Variants in ULK4 observed in about 807,000 individuals in gnomAD.
ULK4 encodes unc-51 like kinase 4.
In ULK4, 133 loss-of-function variants were observed where a neutral mutation model predicts 160.6. The observed-to-expected ratio is 0.83, with a 90% CI of 0.72 to 0.96. The LOEUF (loss-of-function observed/expected upper bound fraction) is 0.96. ULK4 is among the 40% of genes least tolerant of loss of function. ULK4 has a pLI of 0.00. For missense variants in ULK4, 1,580 were observed against 1,499.5 expected (o/e 1.05, Z -0.89); for synonymous variants, 534 against 539.8 (o/e 0.99, Z 0.15).
chr3:41,254,138 C>T (rs2078789193), intron 35 of ULK4, among the ~76,000 whole-genome samples: 3 of 152,156 alleles, frequency 2.0e-5, no homozygotes, highest in Non-Finnish European at 4.4e-5. Flanking sequence ...CCCCATCAAC[C>T]ACATGAATCC....
At chr3:41,506,779 T>TATATATATAA (rs1559658203) in intron 32 of ULK4, among the ~76,000 whole-genome samples, 1 of 18,284 alleles carries the variant, frequency 5.5e-5, no homozygotes, top group African/African-American at 1.3e-4. Context: ...TATATATATA[T>TATATATATAA]ATATATATAT....
chr3:41,937,727 A>G, intron 3 of ULK4: 1 of 194,000 alleles, frequency 5.2e-6, no homozygotes, highest in Middle Eastern at 2.1e-3. Flanking sequence ...TGAAAATTTT[A>G]TGAGGTACAG....
chr3:41,805,654 T>C (rs2125612377), intron 19 of ULK4, among the ~76,000 whole-genome samples: 1 of 151,634 alleles, frequency 6.6e-6, no homozygotes, highest in East Asian at 1.9e-4. Flanking sequence ...TTGAGATACG[T>C]CCCATCAATA....
intron 25 of ULK4, among the ~76,000 whole-genome samples, chr3:41,711,864 G>A (rs993773580): frequency 6.6e-6 from 1 of 152,152 alleles, no homozygotes. Context: ...TTCAATGGAG[G>A]ACCAAAAGAA....
At chr3:41,542,258 G>A (rs1462122463) in intron 32 of ULK4, among the ~76,000 whole-genome samples, 1 of 152,152 alleles carries the variant, frequency 6.6e-6, no homozygotes, top group Non-Finnish European at 1.5e-5. Flanking sequence ...GGCCTTTTCT[G>A]CATCTATTGA....
intron 20 of ULK4, 77 bp from the exon 21 acceptor site, chr3:41,789,920 C>G: frequency 7.6e-7 from 1 of 1,319,446 alleles, no homozygotes; most frequent in Non-Finnish European, 1.0e-6. Flanking sequence ...ACACATGCTT[C>G]TGTGTCAAGG....
rs187323451 is a variant in ULK4 at position 41,769,851 on chromosome 3, T to C, written c.2194-15363A>G. ...CTCTTACAAATCTCAAGGGGTAAAA[T>C]TGATCTGCTTCAATGGTCAAAGCTA... On this transcript the variant is annotated intron_variant, in intron 21 of 36. Transcript: ENST00000301831. 4.2e-3 allele frequency among the ~76,000 whole-genome samples: 644 copies of C among 152,272 alleles called. 2 individuals carry two copies. The highest frequency in any genetic ancestry group is 0.014 in the Middle Eastern group (4 of 294).
intron 21 of ULK4, among the ~76,000 whole-genome samples, chr3:41,787,994 C>T (rs73071356): frequency 0.12 from 18,897 of 152,088 alleles, 1,350 homozygotes; most frequent in Middle Eastern, 0.27. Context: ...TCTCTAACCA[C>T]GGATTACCTG....
intron 30 of ULK4, among the ~76,000 whole-genome samples, chr3:41,663,319 G>A (rs1196601190): frequency 1.3e-5 from 2 of 152,034 alleles, no homozygotes; most frequent in African/African-American, 4.8e-5. Flanking sequence ...ACAAAATGAG[G>A]CACCAATTTT....
chr3:41,523,773 T>C (rs565504975), intron 32 of ULK4, among the ~76,000 whole-genome samples: 215 of 152,286 alleles, frequency 1.4e-3, no homozygotes, highest in Non-Finnish European at 2.5e-3. Flanking sequence ...GCAATTCCAC[T>C]CCTAGGTATA....
chr3:41,721,255 ATTTTTTTTTTT>A lies in ULK4; in HGVS notation c.2322-3405_2322-3395del, dbSNP rs67078042. Among the ~76,000 whole-genome samples the A allele has an allele frequency of 3.2e-3, 144 of 45,046 alleles. 1 individual carries two copies. Among genetic ancestry groups the A allele is most frequent in the Non-Finnish European group, 4.1e-3 (117 of 28,292 alleles). The allele number at this position is 45,046 out of a possible 152,430, so 29.6% of individuals were successfully genotyped here. On this transcript the variant is annotated intron_variant, in intron 22 of 36. Transcript: ENST00000301831. ...GCAGATGAGAAATTTTTCGCTTTGA[ATTTTTTTTTTT>A]TTTTTTTTTTTTTTTTTTGGGTTTT...
At chr3:41,282,846 C>G (rs995007569) in intron 35 of ULK4, among the ~76,000 whole-genome samples, 5 of 152,192 alleles carry the variant, frequency 3.3e-5, no homozygotes, top group Non-Finnish European at 5.9e-5. Context: ...AAGAAACTAT[C>G]ATCAGAGTGA....
intron 34 of ULK4, among the ~76,000 whole-genome samples, chr3:41,415,138 G>A (rs762361716): frequency 1.4e-4 from 21 of 152,134 alleles, no homozygotes; most frequent in Non-Finnish European, 2.6e-4. Flanking sequence ...GAAGCGGAAA[G>A]CATCACTCAT....
chr3:41,280,708 A>C (rs1010402285), intron 35 of ULK4, among the ~76,000 whole-genome samples: 1 of 152,340 alleles, frequency 6.6e-6, no homozygotes, highest in Admixed American at 6.5e-5. Context: ...AGAGAGCAGG[A>C]AAGATCTAAA....
Position 41,523,651 on chromosome 3 carries a change from G to C in ULK4, c.3226+42374C>G, listed in dbSNP as rs147193774. On this transcript the variant is annotated intron_variant, in intron 32 of 36. Transcript: ENST00000301831. The stretch of plus-strand genomic sequence containing the variant: ...TAATAAGTTTAGGAGAAGGTATGGA[G>C]AAACTGGAGTCCATACACATTGCTG... Among the ~76,000 whole-genome samples, 335 of 152,248 alleles carry C rather than the reference G, an allele frequency of 2.2e-3. 1 individual carries two copies. Among genetic ancestry groups the C allele is most frequent in the African/African-American group, 7.7e-3 (321 of 41,552 alleles).
intron 30 of ULK4, among the ~76,000 whole-genome samples, chr3:41,630,299 A>T (rs1336437833): frequency 6.6e-6 from 1 of 152,124 alleles, no homozygotes; most frequent in South Asian, 2.1e-4. Flanking sequence ...TACATTTTCA[A>T]ACTCATTCTT....
At chr3:41,643,623 C>G (rs533435313) in intron 30 of ULK4, among the ~76,000 whole-genome samples, 1 of 152,066 alleles carries the variant, frequency 6.6e-6, no homozygotes, top group Non-Finnish European at 1.5e-5. Context: ...AGTCAGGTAG[C>G]GTGATGCCTC....
chr3:41,932,997 T>C (rs974808144), intron 4 of ULK4, among the ~76,000 whole-genome samples: 2 of 152,174 alleles, frequency 1.3e-5, no homozygotes, highest in Admixed American at 6.5e-5. Context: ...TGAGCCAAGG[T>C]TGCGCCACCG....
chr3:41,549,279 A>G (rs2086979516), intron 32 of ULK4, among the ~76,000 whole-genome samples: 1 of 118,374 alleles, frequency 8.4e-6, no homozygotes. Flanking sequence ...AAGACAATAC[A>G]AATGAACAAA....
Sources: allele counts gnomAD v4.1 joint callset (sites outside exome capture counted in the v4.1 genomes callset), GRCh38; gene constraint gnomAD v4.1.1; transcripts MANE v1.5; gene names NCBI Gene and HGNC (gene_info 2026-07-23, HGNC 2026-07-21).